Variants in GALNT2 observed in about 807,000 individuals in gnomAD.
The protein encoded by GALNT2 is UDP-GalNAc:polypeptide N-acetylgalactosaminyltransferase 2.
GALNT2 carries 31 observed loss-of-function variants against 81.4 expected under a neutral mutation model. That is an observed-to-expected ratio of 0.38 (90% CI 0.29 to 0.51). The LOEUF (loss-of-function observed/expected upper bound fraction) is 0.51, where lower values mean the gene tolerates loss of function less well. GALNT2 is among the 20% of genes least tolerant of loss of function. The probability of loss-of-function intolerance (pLI) is 0.87; values close to 1 mark genes in which losing one functional copy is unlikely to be tolerated. For missense variants in GALNT2, 629 were observed against 765.7 expected (o/e 0.82, Z 2.11); for synonymous variants, 303 against 287.4 (o/e 1.05, Z -0.55).
intron 1 of GALNT2, among the ~76,000 whole-genome samples, chr1:230,075,714 T>A (rs1659528807): frequency 6.6e-6 from 1 of 152,186 alleles, no homozygotes; most frequent in Non-Finnish European, 1.5e-5. Context: ...ACAGTAGACA[T>A]GAAGTCAGTT....
intron 3 of GALNT2, among the ~76,000 whole-genome samples, chr1:230,231,632 A>G (rs1336146261): frequency 6.6e-6 from 1 of 152,206 alleles, no homozygotes; most frequent in Non-Finnish European, 1.5e-5. Context: ...GTGGTGGTTT[A>G]GATTCACCAG....
intron 1 of GALNT2, among the ~76,000 whole-genome samples, chr1:230,098,637 A>AGT (rs1018875462): frequency 5.9e-5 from 9 of 151,894 alleles, no homozygotes; most frequent in Admixed American, 6.6e-5. Flanking sequence ...GGGAGGGAGG[A>AGT]GTGGTTCCAA....
At chr1:230,273,940 C>T (rs909082172) in intron 14 of GALNT2, among the ~76,000 whole-genome samples, 2 of 152,176 alleles carry the variant, frequency 1.3e-5, no homozygotes, top group African/African-American at 2.4e-5. Flanking sequence ...AGGCTATACA[C>T]GATATATTTT....
intron 1 of GALNT2, among the ~76,000 whole-genome samples, chr1:230,160,953 C>T (rs1487907354): frequency 1.3e-5 from 2 of 152,172 alleles, no homozygotes; most frequent in East Asian, 3.9e-4. Flanking sequence ...TGTTGTGTCT[C>T]CAGTGTTTTT....
At chr1:230,068,840 A>G (rs546776349) in intron 1 of GALNT2, among the ~76,000 whole-genome samples, 1 of 152,318 alleles carries the variant, frequency 6.6e-6, no homozygotes, top group Non-Finnish European at 1.5e-5. Flanking sequence ...TTTGTAAAAA[A>G]TGGTATAGGT....
At chr1:230,251,968 G>T (rs1665558155) in intron 10 of GALNT2, among the ~76,000 whole-genome samples, 1 of 150,432 alleles carries the variant, frequency 6.6e-6, no homozygotes, top group Admixed American at 6.6e-5. Context: ...AGCTGTGCTA[G>T]AAGGTTCTAG....
At position 230,279,186 on chromosome 1, in the gene GALNT2, G is replaced by GA. The variant is rs1666369852; in HGVS notation, c.1561-112dup. On this transcript the variant is annotated intron_variant, in intron 15 of 15. Transcript: ENST00000366672. The surrounding 1 kb of genome is among the most constrained non-coding windows in gnomAD (Gnocchi z 4.6). ...CTCGGCCGTTCAGATGAGAGGCTGG[G>GA]AAAAACGTGTCTATCTGTGAGTTTT... 1 of 1,148,516 alleles carries GA rather than the reference G, an allele frequency of 8.7e-7. No homozygotes were observed. Among genetic ancestry groups the GA allele is most frequent in the Admixed American group, 2.6e-5 (1 of 38,132 alleles). 71.1% of individuals were successfully genotyped at this position (1,148,516 alleles called of 1,614,324 possible).
intron 14 of GALNT2, among the ~76,000 whole-genome samples, chr1:230,273,372 C>T (rs543585091): frequency 6.6e-6 from 1 of 152,328 alleles, no homozygotes; most frequent in South Asian, 2.1e-4. Flanking sequence ...GACAGACAGA[C>T]AGACGGAGGG....
intron 2 of GALNT2, among the ~76,000 whole-genome samples, 196 bp from the exon 3 acceptor site, chr1:230,202,941 C>T (rs1663946913): frequency 6.6e-6 from 1 of 152,224 alleles, no homozygotes; most frequent in African/African-American, 2.4e-5. Context: ...AATGGCAAAC[C>T]TGCAGTTTCC....
At position 230,213,721 on chromosome 1, in the gene GALNT2, T is replaced by G. The variant is rs1216474787; in HGVS notation, c.374+10431T>G. 2.0e-5 allele frequency among the ~76,000 whole-genome samples: 3 copies of G among 152,246 alleles called. No homozygotes were observed. In the East Asian group the frequency reaches 5.8e-4, roughly 29 times the overall value. ...TTGTGTTTCTTTTTCCCTTGCATCC[T>G]CCTACGTTTTTTCTTCTCTGTTGGT... On this transcript the variant is annotated intron_variant, in intron 3 of 15. Coordinates refer to ENST00000366672, the MANE Select transcript of GALNT2 (RefSeq NM_004481.5).
upstream of GALNT2, chr1:230,067,183 CCCTT>C: frequency 8.7e-6 from 6 of 690,408 alleles, no homozygotes; most frequent in Non-Finnish European, 1.2e-5. Flanking sequence ...CGCGCCCTTC[CCCTT>C]CCTCCGCTCC....
chr1:230,083,137 G>A (rs1327285768), intron 1 of GALNT2, among the ~76,000 whole-genome samples: 2 of 147,468 alleles, frequency 1.4e-5, no homozygotes, highest in African/African-American at 2.5e-5. Flanking sequence ...AGGGAGCCTA[G>A]ATGATGGAGC....
At chr1:230,239,731 G>T (rs1243352159) in intron 6 of GALNT2, among the ~76,000 whole-genome samples, 1 of 152,140 alleles carries the variant, frequency 6.6e-6, no homozygotes, top group African/African-American at 2.4e-5. Flanking sequence ...TGTGCATTTT[G>T]CTTTTTGTAA....
chr1:230,271,138 C>T lies in GALNT2; in HGVS notation c.1441-3307C>T, dbSNP rs72650167. Among the ~76,000 whole-genome samples, 1,431 of 152,298 alleles carry T rather than the reference C, an allele frequency of 9.4e-3. 8 individuals carry two copies. Among genetic ancestry groups the T allele is most frequent in the Non-Finnish European group, 0.014 (976 of 68,014 alleles). ...GACTCTCCTCTTCACTGTGAGTGGG[C>T]GTCTCTGTGTACCACAGTTTCACAC... On this transcript the variant is annotated intron_variant, in intron 14 of 15. Coordinates refer to ENST00000366672, the MANE Select transcript of GALNT2 (RefSeq NM_004481.5). This position sits in a 1 kb window ranked among gnomAD's most constrained non-coding sequence, Gnocchi z 4.2.
intron 1 of GALNT2, among the ~76,000 whole-genome samples, chr1:230,076,790 G>A (rs373806300): frequency 7.2e-5 from 11 of 152,244 alleles, no homozygotes; most frequent in South Asian, 6.2e-4. Flanking sequence ...GGCACCGTGC[G>A]TCCAGTGTAC....
chr1:230,066,036 C>G (rs1659164836), upstream of GALNT2, among the ~76,000 whole-genome samples: 1 of 152,162 alleles, frequency 6.6e-6, no homozygotes, highest in Non-Finnish European at 1.5e-5. Flanking sequence ...GGAGGGAGCT[C>G]AGTTGGAATT....
chr1:230,235,470 G>T lies in GALNT2; in HGVS notation c.375-544G>T, dbSNP rs181918239. Among the ~76,000 whole-genome samples, 611 of 152,294 alleles carry T rather than the reference G, an allele frequency of 4.0e-3. 3 individuals carry two copies. Among genetic ancestry groups the T allele is most frequent in the Non-Finnish European group, 6.0e-3 (410 of 68,034 alleles). On this transcript the variant is annotated intron_variant, in intron 3 of 15. Transcript: ENST00000366672. The stretch of plus-strand genomic sequence containing the variant: ...CTTCATCTCACCACTGCCCTTTGGG[G>T]TATTTGGGGATGGCCTTCCAGGGCA...
In GALNT2 at chr1:230,236,076, A is replaced by G. The variant is rs1665019290; in HGVS notation, c.437A>G (p.Asn146Ser). 26 of 1,613,916 alleles carry G rather than the reference A, an allele frequency of 1.6e-5. No individual in the cohort carries two copies. Among genetic ancestry groups the G allele is most frequent in the East Asian group, 2.2e-5 (1 of 44,878 alleles). The change falls in exon 4 of 16, where the codon AAT (asparagine) becomes AGT (serine). Residue 146 changes from asparagine (N) to serine (S), a missense_variant. Around this residue, in one of 3 missense-constraint regions of GALNT2, gnomAD observed 360 missense variants for 492.8 expected, o/e 0.73. Coordinates refer to ENST00000366672, the MANE Select transcript of GALNT2 (RefSeq NM_004481.5). ...ACCAGCGTGGTGATCACGTTTCACA[A>G]TGAAGCCAGGTCGGCCCTACTCAGG... ...PATSVVITFH[N>S]EARSALLRTV... is the part of the protein sequence containing the mutation.
chr1:230,104,523 T>C (rs1660484809), intron 1 of GALNT2, among the ~76,000 whole-genome samples: 1 of 152,122 alleles, frequency 6.6e-6, no homozygotes, highest in Non-Finnish European at 1.5e-5. Flanking sequence ...ATAAATGTGA[T>C]GTGCTGGGTG....
Sources: allele counts gnomAD v4.1 joint callset (sites outside exome capture counted in the v4.1 genomes callset), GRCh38; gene constraint gnomAD v4.1.1; regional missense constraint gnomAD v4.1.1; non-coding constraint Gnocchi (gnomAD v3.1); transcripts MANE v1.5; gene names NCBI Gene and HGNC (gene_info 2026-07-23, HGNC 2026-07-21).